The following TASOR2 variants were observed in gnomAD, a reference collection of about 807,000 sequenced individuals.
TASOR2 encodes the protein transcription activation suppressor family member 2.
A neutral mutation model predicts 199.5 loss-of-function variants in TASOR2; 84 were observed. The observed-to-expected ratio is 0.42, with a 90% CI of 0.35 to 0.50. The LOEUF (loss-of-function observed/expected upper bound fraction) is 0.50, where lower values mean the gene tolerates loss of function less well. TASOR2 is among the 20% of genes least tolerant of loss of function. The probability of loss-of-function intolerance (pLI) is 0.02; values close to 1 mark genes in which losing one functional copy is unlikely to be tolerated. For missense variants in TASOR2, 2,796 were observed against 2,835.9 expected, an observed-to-expected ratio of 0.99 and a Z score of 0.32; for synonymous variants, 1,103 against 1,046.6, an observed-to-expected ratio of 1.05 and a Z score of -1.04.
At position 5,752,844 on chromosome 10, in the gene TASOR2, G is replaced by A. The variant is rs577904891; in HGVS notation, c.6606+2817G>A. Among the ~76,000 whole-genome samples, 40 of 152,312 alleles carry A rather than the reference G, an allele frequency of 2.6e-4. No individual in the cohort carries two copies. Among genetic ancestry groups the A allele is most frequent in the African/African-American group, 9.4e-4 (39 of 41,564 alleles). Reference sequence around the variant, plus strand: ...CAGCCAGAGGCTCAGGCTGGGCTGTGGGAGAGAACAGCCTCACGCCTCATA... The same window carrying A: ...CAGCCAGAGGCTCAGGCTGGGCTGTAGGAGAGAACAGCCTCACGCCTCATA... On this transcript the variant is annotated intron_variant, in intron 15 of 20. Coordinates refer to ENST00000328090, the Ensembl canonical transcript of TASOR2. The surrounding 1 kb of genome is among the most constrained non-coding windows in gnomAD (Gnocchi z 4.4).
intron 11 of TASOR2, among the ~76,000 whole-genome samples, chr10:5,734,815 G>C (rs575030357): frequency 7.6e-6 from 1 of 131,746 alleles, no homozygotes; most frequent in East Asian, 2.5e-4. Flanking sequence ...TCCCACCCCA[G>C]CCTCTCGAAT....
In TASOR2 at chr10:5,709,685, A is replaced by G. The variant is rs118120280; in HGVS notation, c.-287-3138A>G. On this transcript the variant is annotated intron_variant, in intron 1 of 20. Transcript: ENST00000328090. ...AAGAGTGGGTATTAAACTAAGTGCT[A>G]TAAGTCATAACTAATGAATCCAGAA... The G allele has an allele frequency of 8.0e-5, 98 of 1,229,030 alleles. No homozygotes were observed. The East Asian group carries it at 2.4e-3, about 30-fold the overall frequency. The allele number at this position is 1,229,030 out of a possible 1,614,324, so 76.1% of individuals were successfully genotyped here.
At chr10:5,746,188 G>A (rs1374000028) in exon 15 of TASOR2, 3 of 1,536,908 alleles carry the variant, frequency 2.0e-6, no homozygotes, top group African/African-American at 1.4e-5. Context: ...GGTAACTGGG[G>A]AAGAAGCTAA....
At chr10:5,707,738 A>T (rs970417402) in intron 1 of TASOR2, among the ~76,000 whole-genome samples, 16 of 45,582 alleles carry the variant, frequency 3.5e-4, no homozygotes, top group African/African-American at 6.6e-4. Context: ...ACACACACAC[A>T]CACACACACA....
chr10:5,704,169 A>T (rs187490308), intron 1 of TASOR2, among the ~76,000 whole-genome samples: 53 of 151,402 alleles, frequency 3.5e-4, no homozygotes, highest in Non-Finnish European at 7.1e-4. Flanking sequence ...AGTTGCCGTG[A>T]GCCGAGATCA....
chr10:5,721,630 A>T (rs1833370179), intron 6 of TASOR2, among the ~76,000 whole-genome samples: 1 of 152,208 alleles, frequency 6.6e-6, no homozygotes, highest in African/African-American at 2.4e-5. Context: ...AGAGAAGGGA[A>T]AGTTCTTCCT....
At position 5,719,813 on chromosome 10, in the gene TASOR2, G is replaced by A. The variant is rs371947065; in HGVS notation, c.-99-731G>A. On this transcript the variant is annotated intron_variant, in intron 3 of 20. Coordinates refer to ENST00000328090, the Ensembl canonical transcript of TASOR2. This position sits in a 1 kb window ranked among gnomAD's most constrained non-coding sequence, Gnocchi z 4.1. ...GCCCTGTCATAATAGAAGTATCTCA[G>A]TTTATAATTTACAACTGATCATAGT... Among the ~76,000 whole-genome samples the A allele has an allele frequency of 1.3e-5, 2 of 152,108 alleles. No individual in the cohort carries two copies. The highest frequency in any genetic ancestry group is 1.3e-4 in the Admixed American group (2 of 15,276).
rs1838487720 is a variant in TASOR2 at position 5,754,141 on chromosome 10, C to G, written c.6607-2472C>G. Among the ~76,000 whole-genome samples the G allele has an allele frequency of 6.6e-6, 1 of 152,008 alleles. No individual in the cohort carries two copies. The highest frequency in any genetic ancestry group is 2.1e-4 in the South Asian group (1 of 4,812). Reference sequence around the variant, plus strand: ...CCAATATAGTGAAACCCCGTCTCTACTAAAAATAAAAAAATTAGCCGGGTG... The same window carrying G: ...CCAATATAGTGAAACCCCGTCTCTAGTAAAAATAAAAAAATTAGCCGGGTG... On this transcript the variant is annotated intron_variant, in intron 15 of 20. Transcript: ENST00000328090. This position sits in a 1 kb window ranked among gnomAD's most constrained non-coding sequence, Gnocchi z 4.3.
Position 5,746,175 on chromosome 10 carries a change from TCA to T in TASOR2, c.2758-3_2758-2del. 1 of 1,524,478 alleles carries T rather than the reference TCA, an allele frequency of 6.6e-7. No homozygotes were observed. The allele number at this position is 1,524,478 out of a possible 1,614,324, so 94.4% of individuals were successfully genotyped here. On this transcript the variant is annotated splice_acceptor_variant and splice_polypyrimidine_tract_variant and intron_variant, in intron 14 of 20. Coordinates refer to ENST00000328090, the Ensembl canonical transcript of TASOR2. LOFTEE classifies it high-confidence loss of function. ...TTTTTTTTTTTTTACTTTGGCCGTT[TCA>T]GGTAACTGGGGAAGAAGCTAAACAA...
rs1488833340 is a variant in TASOR2, at chr10:5,740,816, G to C, written c.2327+319G>C. Reference sequence around the variant, plus strand: ...TTAGATGAGATCTTAATGTAAAATAGTGTGAGATTTAGAAATAATGCTTTA... The same window carrying C: ...TTAGATGAGATCTTAATGTAAAATACTGTGAGATTTAGAAATAATGCTTTA... On this transcript the variant is annotated intron_variant, in intron 13 of 20. Coordinates refer to ENST00000328090, the Ensembl canonical transcript of TASOR2. This position sits in a 1 kb window ranked among gnomAD's most constrained non-coding sequence, Gnocchi z 5.3. 6.6e-6 allele frequency among the ~76,000 whole-genome samples: 1 copy of C among 152,192 alleles called. No homozygotes were observed. Among genetic ancestry groups the C allele is most frequent in the South Asian group, 2.1e-4 (1 of 4,830 alleles).
exon 13 of TASOR2, chr10:5,739,703 A>G (rs1228766140): frequency 6.2e-7 from 1 of 1,614,210 alleles, no homozygotes; most frequent in Admixed American, 1.7e-5. Context: ...GTGTTCAACC[A>G]GAAAATACCA....
chr10:5,757,811 T>TAA, intron 17 of TASOR2, 138 bp downstream of exon 18: 1 of 826,866 alleles, frequency 1.2e-6, no homozygotes, highest in Non-Finnish European at 1.9e-6. Context: ...TAATTTCTGC[T>TAA]GTCTGCTGTG....
chr10:5,762,424 C>T, intron 19 of TASOR2, 108 bp from the exon 21 acceptor site: 1 of 431,784 alleles, frequency 2.3e-6, no homozygotes, highest in Middle Eastern at 6.3e-4. Flanking sequence ...CCCCCTACCC[C>T]TCACACGAGG....
At chr10:5,714,187 C>A in intron 2 of TASOR2, 1 of 1,231,804 alleles carries the variant, frequency 8.1e-7, no homozygotes. Context: ...GCTGTTACCA[C>A]TCTGGGTGAT....
At position 5,719,385 on chromosome 10, in the gene TASOR2, C is replaced by T. The variant is rs760872378; in HGVS notation, c.-99-1159C>T. The stretch of plus-strand genomic sequence containing the variant: ...TTGAGACAGAGTCTTGCTCTGTTGC[C>T]AGGCTGGAGTGTAGTGACACAATCT... On this transcript the variant is annotated intron_variant, in intron 3 of 20. Coordinates refer to ENST00000328090, the Ensembl canonical transcript of TASOR2. The surrounding 1 kb of genome is among the most constrained non-coding windows in gnomAD (Gnocchi z 4.1). 3.3e-5 allele frequency among the ~76,000 whole-genome samples: 5 copies of T among 152,042 alleles called. No homozygotes were observed. The highest frequency in any genetic ancestry group is 4.8e-5 in the African/African-American group (2 of 41,366).
intron 10 of TASOR2, among the ~76,000 whole-genome samples, chr10:5,728,091 T>G (rs1834285077): frequency 6.6e-6 from 1 of 151,808 alleles, no homozygotes; most frequent in South Asian, 2.1e-4. Flanking sequence ...CGTGGTGGCT[T>G]GCACCTGTGG....
rs78040588 is a variant in TASOR2, at chr10:5,690,323, A to G, written c.-288+5148A>G. Among the ~76,000 whole-genome samples, 2,085 of 152,340 alleles carry G rather than the reference A, an allele frequency of 0.014. 48 individuals are homozygous for G. The highest frequency in any genetic ancestry group is 0.048 in the African/African-American group (1,991 of 41,578). On this transcript the variant is annotated intron_variant, in intron 1 of 20. Transcript: ENST00000328090. This position sits in a 1 kb window ranked among gnomAD's most constrained non-coding sequence, Gnocchi z 4.8. The stretch of plus-strand genomic sequence containing the variant: ...TTTAATTACATTTAATCGGAGAACT[A>G]AATCCCTTGCTAATATTTTGTATAA...
At chr10:5,726,264 G>A (rs1439523343) in intron 8 of TASOR2, among the ~76,000 whole-genome samples, 1 of 152,186 alleles carries the variant, frequency 6.6e-6, no homozygotes, top group Non-Finnish European at 1.5e-5. Flanking sequence ...GTTACTGAAA[G>A]CATTAAAATT....
intron 1 of TASOR2, chr10:5,712,379 GTT>G (rs1832036580): frequency 6.5e-6 from 8 of 1,231,226 alleles, no homozygotes; most frequent in Non-Finnish European, 8.1e-6. Flanking sequence ...CGTTATTTTT[GTT>G]TGTGTTTTAC....
Sources: gnomAD v4.1 joint callset for allele counts (sites outside exome capture counted in the v4.1 genomes callset) on GRCh38, gnomAD v4.1.1 for gene constraint, Gnocchi (gnomAD v3.1) non-coding constraint, MANE v1.5 for transcripts, NCBI Gene and HGNC (gene_info 2026-07-23, HGNC 2026-07-21) for gene names.